The following PCSK2 variants were observed in gnomAD, a reference collection of about 807,000 sequenced individuals.
PCSK2 encodes neuroendocrine convertase 2.
Under a neutral mutation model 69.7 loss-of-function variants are expected in PCSK2, and 14 were observed. The ratio of observed to expected loss-of-function variants is 0.20; its 90% confidence interval spans 0.13 to 0.31. The LOEUF is 0.31. Among genes scored for constraint, PCSK2 ranks in the 10% least tolerant of loss-of-function variants. PCSK2 has a pLI of 1.00. For synonymous variants in PCSK2, 307 were observed against 320.7 expected (o/e 0.96, Z 0.46); for missense variants, 544 against 842.5 (o/e 0.65, Z 4.39).
chr20:17,266,477 G>A (rs1987606888), intron 2 of PCSK2, among the ~76,000 whole-genome samples: 1 of 152,178 alleles, frequency 6.6e-6, no homozygotes, highest in Non-Finnish European at 1.5e-5. Context: ...AACCCTTAAG[G>A]AGTTTTCAAA....
At chr20:17,298,019 G>A (rs565428113) in intron 2 of PCSK2, among the ~76,000 whole-genome samples, 1 of 152,082 alleles carries the variant, frequency 6.6e-6, no homozygotes, top group African/African-American at 2.4e-5. Flanking sequence ...TTTATTTTAT[G>A]CATTATATTT....
intron 2 of PCSK2, among the ~76,000 whole-genome samples, chr20:17,288,850 C>T (rs1001697205): frequency 1.3e-5 from 2 of 152,180 alleles, no homozygotes; most frequent in African/African-American, 4.8e-5. Flanking sequence ...GTCTATGGTA[C>T]TTTGTTACAG....
chr20:17,275,505 C>A (rs957772805), intron 2 of PCSK2, among the ~76,000 whole-genome samples: 3 of 152,000 alleles, frequency 2.0e-5, no homozygotes, highest in Admixed American at 6.6e-5. Context: ...AAGAAAGGTT[C>A]GAAAACTGTG....
chr20:17,462,212 A>G (rs577162562), intron 10 of PCSK2, among the ~76,000 whole-genome samples: 17 of 151,812 alleles, frequency 1.1e-4, no homozygotes, highest in South Asian at 2.1e-4. Flanking sequence ...GGTTTGCTGC[A>G]TACTGAAAAT....
intron 2 of PCSK2, among the ~76,000 whole-genome samples, chr20:17,276,236 C>T (rs1214080091): frequency 2.6e-5 from 4 of 152,062 alleles, no homozygotes; most frequent in African/African-American, 9.7e-5. Flanking sequence ...AAATCAAATG[C>T]AAGCCTTATA....
intron 2 of PCSK2, among the ~76,000 whole-genome samples, chr20:17,346,851 C>T (rs372704714): frequency 1.6e-4 from 24 of 152,280 alleles, no homozygotes; most frequent in African/African-American, 5.3e-4. Context: ...GCACATGTTC[C>T]AACCAATATA....
At chr20:17,244,270 T>TA (rs1421209493) in intron 1 of PCSK2, among the ~76,000 whole-genome samples, 11 of 152,162 alleles carry the variant, frequency 7.2e-5, no homozygotes, top group Non-Finnish European at 1.5e-4. Context: ...ATTTCAAAAG[T>TA]AAAAAAATTA....
chr20:17,306,516 T>C (rs965954141), intron 2 of PCSK2, among the ~76,000 whole-genome samples: 2 of 152,134 alleles, frequency 1.3e-5, no homozygotes, highest in African/African-American at 4.8e-5. Context: ...AGTTTAAAAG[T>C]ATAACATGTA....
At chr20:17,246,927 C>T (rs529347555) in intron 1 of PCSK2, among the ~76,000 whole-genome samples, 1 of 152,298 alleles carries the variant, frequency 6.6e-6, no homozygotes, top group East Asian at 1.9e-4. Context: ...TTGTTCTTCT[C>T]TCTCCCTTTG....
At chr20:17,284,728 G>A (rs924916756) in intron 2 of PCSK2, among the ~76,000 whole-genome samples, 4 of 152,098 alleles carry the variant, frequency 2.6e-5, no homozygotes, top group Non-Finnish European at 5.9e-5. Context: ...TTAACCATAG[G>A]GCCACCAAAT....
intron 2 of PCSK2, among the ~76,000 whole-genome samples, chr20:17,327,715 G>A (rs916356542): frequency 6.6e-5 from 10 of 152,282 alleles, no homozygotes; most frequent in African/African-American, 2.2e-4. Flanking sequence ...ATTTTAAATT[G>A]GCCAGAATAA....
chr20:17,480,250 C>T (rs1046412616), intron 11 of PCSK2, among the ~76,000 whole-genome samples: 3 of 134,758 alleles, frequency 2.2e-5, no homozygotes, highest in Admixed American at 8.5e-5. Flanking sequence ...AGTGCAGTGG[C>T]GCGATCTCGG....
chr20:17,443,633 C>T, intron 8 of PCSK2, among the ~76,000 whole-genome samples: 1 of 152,148 alleles, frequency 6.6e-6, no homozygotes, highest in East Asian at 1.9e-4. Flanking sequence ...GCCCTCTGTC[C>T]AGACTGACAG....
At chr20:17,391,907 A>AGGAAGGAAGGAAGGAG (rs1297066216) in intron 5 of PCSK2, among the ~76,000 whole-genome samples, 16 of 10,428 alleles carry the variant, frequency 1.5e-3, no homozygotes, top group Non-Finnish European at 3.0e-3. Context: ...AAAGAGAGAG[A>AGGAAGGAAGGAAGGAG]GGAAGGAAGG....
intron 6 of PCSK2, among the ~76,000 whole-genome samples, chr20:17,416,123 T>G (rs926944633): frequency 3.3e-5 from 5 of 152,130 alleles, no homozygotes; most frequent in African/African-American, 1.2e-4. Context: ...GGACAAGGAC[T>G]TCATGACTAA....
In PCSK2 at chr20:17,465,162, A is replaced by G. The variant is rs1016574373; in HGVS notation, c.1203-164A>G. On this transcript the variant is annotated intron_variant, in intron 10 of 11. Coordinates refer to ENST00000262545, the MANE Select transcript of PCSK2 (RefSeq NM_002594.5). ...TAATTGACTTATATAGTGGTTTTGAATGGTGCATGGACACCCTCCCTTGAA... is the reference window on the plus strand; with the variant it reads ...TAATTGACTTATATAGTGGTTTTGAGTGGTGCATGGACACCCTCCCTTGAA... 7.4e-6 allele frequency: 5 copies of G among 673,540 alleles called. No homozygotes were observed. In the African/African-American group the frequency reaches 8.9e-5, roughly 12 times the overall value. 41.7% of individuals were successfully genotyped at this position (673,540 alleles called of 1,614,324 possible). A position where few individuals can be genotyped will look rare whatever the true frequency, so the allele number is the denominator to read the frequency against.
chr20:17,234,308 T>C (rs1301111219), intron 1 of PCSK2, among the ~76,000 whole-genome samples: 1 of 152,234 alleles, frequency 6.6e-6, no homozygotes, highest in Non-Finnish European at 1.5e-5. Flanking sequence ...TTCTTCCTGC[T>C]GGCAACCAAC....
intron 2 of PCSK2, among the ~76,000 whole-genome samples, chr20:17,341,796 A>G (rs1462854180): frequency 6.6e-6 from 1 of 152,216 alleles, no homozygotes; most frequent in Non-Finnish European, 1.5e-5. Context: ...TAGAATAACC[A>G]CATGTGCTCT....
rs563046912 is a variant in PCSK2, at chr20:17,282,290, A to G, written c.282+21946A>G. Among the ~76,000 whole-genome samples, 147 of 152,280 alleles carry G rather than the reference A, an allele frequency of 9.7e-4. 1 individual carries two copies. Among genetic ancestry groups the G allele is most frequent in the Middle Eastern group, 6.8e-3 (2 of 294 alleles). On this transcript the variant is annotated intron_variant, in intron 2 of 11. Coordinates refer to ENST00000262545, the MANE Select transcript of PCSK2 (RefSeq NM_002594.5). ...ATATGTATATATATGTATATTCTGC[A>G]TATCATATTATAGGATGATACATAT... is the stretch of plus-strand genomic sequence containing the variant.
Sources: allele counts gnomAD v4.1 joint callset (sites outside exome capture counted in the v4.1 genomes callset), GRCh38; gene constraint gnomAD v4.1.1; transcripts MANE v1.5; gene names NCBI Gene and HGNC (gene_info 2026-07-23, HGNC 2026-07-21).